DRC11: variants seen among roughly 807,000 people sequenced by gnomAD.
The protein encoded by DRC11 is IQ and AAA domain-containing protein 1.
chr2:236,442,375 G>C, the DRC11 span, among the ~76,000 whole-genome samples: 1 of 152,160 alleles, frequency 6.6e-6, no homozygotes, highest in African/African-American at 2.4e-5. Flanking sequence ...TGAAGTATAG[G>C]AAGAAAATCT....
At chr2:236,314,915 T>C in the DRC11 span, among the ~76,000 whole-genome samples, 1 of 152,240 alleles carries the variant, frequency 6.6e-6, no homozygotes, top group Non-Finnish European at 1.5e-5. The surrounding 1 kb of genome is among the most constrained non-coding windows in gnomAD (Gnocchi z 4.5). Flanking sequence ...CATTAAAATA[T>C]TAGTTTTTTG....
the DRC11 span, chr2:236,331,986 G>A: frequency 6.0e-6 from 1 of 167,000 alleles, no homozygotes. The surrounding 1 kb of genome is among the most constrained non-coding windows in gnomAD (Gnocchi z 4.8). Context: ...AAGTAATTTG[G>A]GTAAGTAGTT....
chr2:236,474,809 T>C, the DRC11 span, among the ~76,000 whole-genome samples: 6 of 152,154 alleles, frequency 3.9e-5, no homozygotes, highest in Non-Finnish European at 8.8e-5. Flanking sequence ...TTACTTTTTT[T>C]GTTTTGTAAA....
At chr2:236,337,449 G>C in the DRC11 span, among the ~76,000 whole-genome samples, 1 of 152,204 alleles carries the variant, frequency 6.6e-6, no homozygotes, top group African/African-American at 2.4e-5. This position sits in a 1 kb window ranked among gnomAD's most constrained non-coding sequence, Gnocchi z 4.9. Context: ...CATGGGGCCA[G>C]GTGCTCTGCT....
the DRC11 span, among the ~76,000 whole-genome samples, chr2:236,465,039 A>T: frequency 6.6e-6 from 1 of 152,008 alleles, no homozygotes. The surrounding 1 kb of genome is among the most constrained non-coding windows in gnomAD (Gnocchi z 6.2). Context: ...ATTTCTTTAT[A>T]GCAATGCAAG....
At chr2:236,464,139 C>T in the DRC11 span, among the ~76,000 whole-genome samples, 18 of 152,314 alleles carry the variant, frequency 1.2e-4, no homozygotes, top group Admixed American at 3.9e-4. Context: ...TCACTCTAGC[C>T]GTATCCTTGT....
chr2:236,459,710 T>C, the DRC11 span, among the ~76,000 whole-genome samples: 1 of 149,474 alleles, frequency 6.7e-6, no homozygotes, highest in Non-Finnish European at 1.5e-5. Flanking sequence ...TATACGTATA[T>C]ATATGAGAGA....
chr2:236,456,891 G>A, the DRC11 span, among the ~76,000 whole-genome samples: 1 of 152,192 alleles, frequency 6.6e-6, no homozygotes, highest in African/African-American at 2.4e-5. The surrounding 1 kb of genome is among the most constrained non-coding windows in gnomAD (Gnocchi z 5.4). Flanking sequence ...CAGTCCCAGG[G>A]TCCAGAGATG....
chr2:236,416,721 T>TTATATATATATA, the DRC11 span, among the ~76,000 whole-genome samples: 8 of 64,234 alleles, frequency 1.2e-4, no homozygotes, highest in Non-Finnish European at 2.0e-4. Flanking sequence ...ATATATATAT[T>TTATATATATATA]TATATATATA....
At chr2:236,458,659 T>C in the DRC11 span, among the ~76,000 whole-genome samples, 2 of 152,210 alleles carry the variant, frequency 1.3e-5, no homozygotes, top group South Asian at 2.1e-4. Flanking sequence ...GGGCATTCGC[T>C]GGCAGAAAAT....
chr2:236,482,090 C>CTACATATTA, the DRC11 span, among the ~76,000 whole-genome samples: 31 of 94,478 alleles, frequency 3.3e-4, no homozygotes, highest in African/African-American at 1.3e-3. The surrounding 1 kb of genome is among the most constrained non-coding windows in gnomAD (Gnocchi z 4.5). Flanking sequence ...ATGTATAATT[C>CTACATATTA]TATGTATAAT....
chr2:236,465,742 G>T, the DRC11 span: 1 of 1,362,934 alleles, frequency 7.3e-7, no homozygotes, highest in Admixed American at 1.8e-5. This position sits in a 1 kb window ranked among gnomAD's most constrained non-coding sequence, Gnocchi z 6.2. Context: ...AAGGTTTGAG[G>T]TCATAAAAGT....
At chr2:236,310,364 C>T in the DRC11 span, among the ~76,000 whole-genome samples, 43 of 152,320 alleles carry the variant, frequency 2.8e-4, no homozygotes, top group Admixed American at 9.8e-4. This position sits in a 1 kb window ranked among gnomAD's most constrained non-coding sequence, Gnocchi z 5.5. Flanking sequence ...CAACTGGACA[C>T]GGCACTACTG....
At chr2:236,421,139 A>C in the DRC11 span, among the ~76,000 whole-genome samples, 1 of 152,194 alleles carries the variant, frequency 6.6e-6, no homozygotes, top group Non-Finnish European at 1.5e-5. Context: ...CTAACATCAC[A>C]ATTAAAAGAA....
At chr2:236,369,143 T>C in the DRC11 span, 2 of 152,224 alleles carry the variant, frequency 1.3e-5, no homozygotes, top group Non-Finnish European at 2.9e-5. The surrounding 1 kb of genome is among the most constrained non-coding windows in gnomAD (Gnocchi z 4.5). Flanking sequence ...TTTCTTCCTA[T>C]AGCGAGTCCT....
the DRC11 span, among the ~76,000 whole-genome samples, chr2:236,470,713 G>A: frequency 2.7e-3 from 405 of 152,196 alleles, 3 homozygotes; most frequent in African/African-American, 9.5e-3. The surrounding 1 kb of genome is among the most constrained non-coding windows in gnomAD (Gnocchi z 5.1). Context: ...AACCCAGCAG[G>A]AGAAGTGAAA....
the DRC11 span, among the ~76,000 whole-genome samples, chr2:236,434,304 T>C: frequency 3.9e-5 from 6 of 152,224 alleles, no homozygotes; most frequent in East Asian, 1.9e-4. This position sits in a 1 kb window ranked among gnomAD's most constrained non-coding sequence, Gnocchi z 5.5. Flanking sequence ...TTAATATATA[T>C]TTCACCTTGT....
chr2:236,437,263 A>T, the DRC11 span, among the ~76,000 whole-genome samples: 1 of 137,892 alleles, frequency 7.3e-6, no homozygotes, highest in Non-Finnish European at 1.6e-5. Flanking sequence ...CCTACAAAGG[A>T]CATGAACTCA....
the DRC11 span, among the ~76,000 whole-genome samples, chr2:236,335,786 G>C: frequency 6.6e-6 from 1 of 152,166 alleles, no homozygotes; most frequent in Non-Finnish European, 1.5e-5. This position sits in a 1 kb window ranked among gnomAD's most constrained non-coding sequence, Gnocchi z 5.6. Flanking sequence ...AAGAACGCAT[G>C]AGAGGAGACA....
Sources: allele counts gnomAD v4.1 joint callset (sites outside exome capture counted in the v4.1 genomes callset), GRCh38; gene constraint gnomAD v4.1.1; non-coding constraint Gnocchi (gnomAD v3.1); transcripts MANE v1.5; gene names NCBI Gene and HGNC (gene_info 2026-07-23, HGNC 2026-07-21).